The following WWOX variants were observed in gnomAD, a reference collection of about 807,000 sequenced individuals.
WWOX encodes WW domain containing oxidoreductase, also known as WW domain-containing oxidoreductase.
A neutral mutation model predicts 46.2 loss-of-function variants in WWOX; 69 were observed. The observed-to-expected ratio is 1.49, with a 90% CI of 1.23 to 1.82. WWOX has a LOEUF of 1.82. Ranked by LOEUF, WWOX falls within the 40% of genes most tolerant of loss-of-function variation. WWOX has a pLI of 0.00. For missense variants in WWOX, 919 were observed against 542.6 expected (o/e 1.69, Z -6.89); for synonymous variants, 359 against 202.6 (o/e 1.77, Z -6.56).
At chr16:78,656,788 C>G (rs1434310073) in intron 8 of WWOX, among the ~76,000 whole-genome samples, 1 of 152,156 alleles carries the variant, frequency 6.6e-6, no homozygotes, top group African/African-American at 2.4e-5. Flanking sequence ...CCAAGCGCCA[C>G]AATCCTTAGG....
At chr16:78,731,762 G>A (rs957747138) in intron 8 of WWOX, among the ~76,000 whole-genome samples, 4 of 151,704 alleles carry the variant, frequency 2.6e-5, no homozygotes, top group Non-Finnish European at 4.4e-5. Context: ...TCCCTGTCAT[G>A]AATCCACTCT....
At position 78,099,802 on chromosome 16, in the gene WWOX, G is replaced by A. The variant is rs960284644; in HGVS notation, c.24G>A (p.Gly8=). 5.1e-6 allele frequency: 8 copies of A among 1,571,690 alleles called. No homozygotes were observed. The highest frequency in any genetic ancestry group is 6.9e-6 in the Non-Finnish European group (8 of 1,160,250). Residue 8 remains glycine (G), a synonymous_variant, in exon 1 of 9, where the codon GGG becomes GGA. Transcript: ENST00000566780. MAALRYA[G]LDDTDSEDEL... is the part of the protein sequence containing the mutation. ...CCATGGCAGCGCTGCGCTACGCGGG[G>A]CTGGACGACACGGACAGTGAGGACG...
intron 8 of WWOX, among the ~76,000 whole-genome samples, chr16:78,985,703 A>G (rs902704265): frequency 2.6e-5 from 4 of 152,218 alleles, no homozygotes; most frequent in Non-Finnish European, 4.4e-5. Context: ...CAAGAGATGG[A>G]GGTTGCAGTG....
intron 8 of WWOX, among the ~76,000 whole-genome samples, chr16:79,091,916 G>A (rs1005562660): frequency 2.0e-5 from 3 of 151,476 alleles, no homozygotes; most frequent in Non-Finnish European, 4.4e-5. Context: ...GAGTAGCTGG[G>A]ACCACAGGTG....
intron 8 of WWOX, among the ~76,000 whole-genome samples, chr16:79,120,249 A>G (rs903433709): frequency 2.6e-5 from 4 of 152,166 alleles, no homozygotes; most frequent in African/African-American, 9.7e-5. Flanking sequence ...CAGATTCCCT[A>G]GCTAGGAACA....
intron 5 of WWOX, among the ~76,000 whole-genome samples, chr16:78,254,465 C>T (rs1378205133): frequency 2.0e-5 from 3 of 147,446 alleles, no homozygotes; most frequent in Non-Finnish European, 4.5e-5. Context: ...AGGTTCACCA[C>T]CTCTGTTCCA....
chr16:78,863,529 C>T (rs1243527885), intron 8 of WWOX, among the ~76,000 whole-genome samples: 3 of 152,174 alleles, frequency 2.0e-5, no homozygotes, highest in African/African-American at 7.2e-5. Flanking sequence ...CAGCTCAAAA[C>T]CATCAGTAGT....
At chr16:78,433,259 G>A (rs373169913) in intron 8 of WWOX, among the ~76,000 whole-genome samples, 2 of 152,062 alleles carry the variant, frequency 1.3e-5, no homozygotes, top group Non-Finnish European at 2.9e-5. Context: ...TTGATAGCTA[G>A]GAGTGTGTTT....
intron 8 of WWOX, among the ~76,000 whole-genome samples, chr16:79,062,459 C>G (rs751470986): frequency 6.6e-6 from 1 of 152,008 alleles, no homozygotes; most frequent in East Asian, 1.9e-4. Context: ...GGACACTTCC[C>G]GGTGCCGTGC....
At chr16:78,181,431 C>A (rs969109560) in intron 5 of WWOX, among the ~76,000 whole-genome samples, 3 of 152,226 alleles carry the variant, frequency 2.0e-5, no homozygotes, top group Non-Finnish European at 1.5e-5. Flanking sequence ...TCTGGAAAAG[C>A]CCCTAAAGCG....
intron 4 of WWOX, among the ~76,000 whole-genome samples, chr16:78,135,276 G>C (rs536721860): frequency 6.6e-6 from 1 of 152,258 alleles, no homozygotes; most frequent in African/African-American, 2.4e-5. Context: ...GTTTAGTTTA[G>C]AGCTTGACAC....
At chr16:78,510,230 G>C (rs937007499) in intron 8 of WWOX, among the ~76,000 whole-genome samples, 1 of 151,930 alleles carries the variant, frequency 6.6e-6, no homozygotes, top group African/African-American at 2.4e-5. Flanking sequence ...TTTTTTTGGA[G>C]ATGGAGTCTT....
intron 8 of WWOX, among the ~76,000 whole-genome samples, chr16:78,935,253 G>A (rs1214943461): frequency 6.6e-6 from 1 of 152,062 alleles, no homozygotes; most frequent in Non-Finnish European, 1.5e-5. Flanking sequence ...CCCATTACTG[G>A]GTATATACCC....
At chr16:78,674,199 G>C (rs542791538) in intron 8 of WWOX, among the ~76,000 whole-genome samples, 1 of 151,872 alleles carries the variant, frequency 6.6e-6, no homozygotes, top group South Asian at 2.1e-4. Flanking sequence ...GAGAACACTT[G>C]TGACAGAGGG....
At chr16:79,211,183 T>C (rs79737342) in intron 8 of WWOX, among the ~76,000 whole-genome samples, 2 of 152,086 alleles carry the variant, frequency 1.3e-5, no homozygotes, top group Non-Finnish European at 2.9e-5. Context: ...TTAAGAGTGG[T>C]TGGTTTGTCA....
At chr16:78,354,560 T>C (rs1597085375) in intron 5 of WWOX, among the ~76,000 whole-genome samples, 1 of 152,180 alleles carries the variant, frequency 6.6e-6, no homozygotes, top group South Asian at 2.1e-4. Context: ...ATTTTTCATA[T>C]GCTTAGAAAT....
chr16:79,046,010 C>T (rs1340846732), intron 8 of WWOX, among the ~76,000 whole-genome samples: 1 of 151,896 alleles, frequency 6.6e-6, no homozygotes, highest in Non-Finnish European at 1.5e-5. Context: ...CCATGTTGGC[C>T]AGGCTGGCCT....
At chr16:78,711,997 C>G (rs765659361) in intron 8 of WWOX, among the ~76,000 whole-genome samples, 1 of 152,150 alleles carries the variant, frequency 6.6e-6, no homozygotes, top group Non-Finnish European at 1.5e-5. Flanking sequence ...TGTGCTAGTT[C>G]GGCAAAGAAG....
chr16:78,648,380 G>A (rs1238883715), intron 8 of WWOX, among the ~76,000 whole-genome samples: 1 of 152,152 alleles, frequency 6.6e-6, no homozygotes, highest in East Asian at 1.9e-4. Context: ...TACTGCTTTG[G>A]GGAAGAGTTT....
Sources: gnomAD v4.1 joint callset for allele counts (sites outside exome capture counted in the v4.1 genomes callset) on GRCh38, gnomAD v4.1.1 for gene constraint, MANE v1.5 for transcripts, NCBI Gene and HGNC (gene_info 2026-07-23, HGNC 2026-07-21) for gene names.